The following CHST11 variants were observed in gnomAD, a reference collection of about 807,000 sequenced individuals.
CHST11 encodes C4S-1.
Under a neutral mutation model 30.4 loss-of-function variants are expected in CHST11, and 9 were observed. That is an observed-to-expected ratio of 0.30 (90% CI 0.18 to 0.52). The LOEUF (loss-of-function observed/expected upper bound fraction) is 0.52, where lower values mean the gene tolerates loss of function less well. Ranked by LOEUF, CHST11 falls within the 20% of genes least tolerant of loss-of-function variation. The pLI is 0.97. For synonymous variants in CHST11, 152 were observed against 187.8 expected, an observed-to-expected ratio of 0.81 and a Z score of 1.56; for missense variants, 348 against 460.6, an observed-to-expected ratio of 0.76 and a Z score of 2.24.
chr12:104,612,879 C>T (rs2039072452), intron 2 of CHST11, among the ~76,000 whole-genome samples: 2 of 152,206 alleles, frequency 1.3e-5, no homozygotes. Flanking sequence ...CTGAAACAGA[C>T]ACCAGCACTC....
chr12:104,621,342 C>G (rs1241098009), intron 2 of CHST11, among the ~76,000 whole-genome samples: 2 of 152,228 alleles, frequency 1.3e-5, no homozygotes, highest in Non-Finnish European at 2.9e-5. Flanking sequence ...TGGTGCTGTC[C>G]TAGACCTTGC....
chr12:104,533,034 C>T (rs917413216), intron 1 of CHST11, among the ~76,000 whole-genome samples: 2 of 152,204 alleles, frequency 1.3e-5, no homozygotes, highest in African/African-American at 2.4e-5. Flanking sequence ...CCTCAGCCTC[C>T]TGAGTAGCTG....
At chr12:104,678,752 C>T (rs2039765953) in intron 2 of CHST11, among the ~76,000 whole-genome samples, 2 of 152,020 alleles carry the variant, frequency 1.3e-5, no homozygotes, top group Non-Finnish European at 2.9e-5. Flanking sequence ...ATAAAAACCA[C>T]ATTTTATATT....
intron 1 of CHST11, among the ~76,000 whole-genome samples, chr12:104,473,176 A>G (rs2037527512): frequency 6.6e-6 from 1 of 152,162 alleles, no homozygotes; most frequent in Non-Finnish European, 1.5e-5. Flanking sequence ...ACTCGGGGCC[A>G]TTTGGAAATC....
At chr12:104,520,848 C>G (rs574863287) in intron 1 of CHST11, among the ~76,000 whole-genome samples, 14 of 152,308 alleles carry the variant, frequency 9.2e-5, no homozygotes, top group African/African-American at 3.1e-4. Context: ...GCAGCCACCC[C>G]TTCTGTTCTC....
chr12:104,492,695 A>G lies in CHST11; in HGVS notation c.118+35166A>G, dbSNP rs532116638. On this transcript the variant is annotated intron_variant, in intron 1 of 2. Coordinates refer to ENST00000303694, the MANE Select transcript of CHST11 (RefSeq NM_018413.6). ...CAAGATACAGTTTGAAGATACTACC[A>G]TGGGACATGACATCAGTTGAGCTGA... Among the ~76,000 whole-genome samples, 16 of 152,352 alleles carry G rather than the reference A, an allele frequency of 1.1e-4. No homozygotes were observed. The South Asian group carries it at 2.7e-3, about 26-fold the overall frequency.
intron 1 of CHST11, among the ~76,000 whole-genome samples, chr12:104,556,242 A>G (rs892770866): frequency 1.1e-4 from 16 of 152,072 alleles, no homozygotes; most frequent in African/African-American, 3.4e-4. Flanking sequence ...CAGAGGAGAA[A>G]CTGAGGCTCT....
At chr12:104,650,292 C>T (rs1012799139) in intron 2 of CHST11, among the ~76,000 whole-genome samples, 8 of 152,108 alleles carry the variant, frequency 5.3e-5, no homozygotes, top group Admixed American at 6.5e-5. Context: ...GGCCAAAAGC[C>T]CACAGTCTCC....
At chr12:104,671,088 T>C (rs924517797) in intron 2 of CHST11, among the ~76,000 whole-genome samples, 2 of 152,164 alleles carry the variant, frequency 1.3e-5, no homozygotes, top group Admixed American at 1.3e-4. Flanking sequence ...ATACTGGAGA[T>C]GAGATGGTAG....
At chr12:104,741,379 G>A (rs2040345577) in intron 2 of CHST11, among the ~76,000 whole-genome samples, 1 of 152,206 alleles carries the variant, frequency 6.6e-6, no homozygotes, top group Non-Finnish European at 1.5e-5. Flanking sequence ...CTGGAAGCAT[G>A]CAACATGCAG....
At chr12:104,637,666 G>T (rs976734379) in intron 2 of CHST11, among the ~76,000 whole-genome samples, 6 of 152,118 alleles carry the variant, frequency 3.9e-5, no homozygotes, top group African/African-American at 1.4e-4. Flanking sequence ...TTCCACCCTG[G>T]CACTCAAAGC....
chr12:104,490,289 G>A (rs542406972), intron 1 of CHST11, among the ~76,000 whole-genome samples: 8 of 152,328 alleles, frequency 5.3e-5, no homozygotes, highest in Non-Finnish European at 1.0e-4. Flanking sequence ...GGTGTGTATA[G>A]GAGATAAAGA....
At chr12:104,496,007 G>A (rs1039417269) in intron 1 of CHST11, among the ~76,000 whole-genome samples, 5 of 152,198 alleles carry the variant, frequency 3.3e-5, no homozygotes, top group African/African-American at 7.2e-5. Context: ...CTGATGCCTC[G>A]GATAGCAGAC....
chr12:104,687,842 G>A (rs1051629811), intron 2 of CHST11, among the ~76,000 whole-genome samples: 7 of 151,938 alleles, frequency 4.6e-5, no homozygotes, highest in Admixed American at 4.6e-4. Context: ...ATATTTCCTG[G>A]AGAAATACTC....
intron 2 of CHST11, among the ~76,000 whole-genome samples, chr12:104,615,966 C>G (rs1415755474): frequency 6.6e-6 from 1 of 152,126 alleles, no homozygotes; most frequent in East Asian, 1.9e-4. Context: ...TAGCCCCTAC[C>G]TTATTCTCTT....
At chr12:104,514,292 G>T in intron 1 of CHST11, 1 of 880,770 alleles carries the variant, frequency 1.1e-6, no homozygotes. Flanking sequence ...GCATTGGAGC[G>T]GTGTTTGGCA....
chr12:104,727,447 G>A (rs1186686809), intron 2 of CHST11, among the ~76,000 whole-genome samples: 1 of 152,212 alleles, frequency 6.6e-6, no homozygotes, highest in Non-Finnish European at 1.5e-5. Flanking sequence ...CTGTGGCTAT[G>A]GGGCCAGCAG....
chr12:104,583,091 A>G (rs192919337), intron 1 of CHST11, among the ~76,000 whole-genome samples: 1 of 152,054 alleles, frequency 6.6e-6, no homozygotes, highest in African/African-American at 2.4e-5. Context: ...CCACATACAT[A>G]TGTGTTGTAT....
At chr12:104,659,143 G>A (rs917980068) in intron 2 of CHST11, among the ~76,000 whole-genome samples, 7 of 152,192 alleles carry the variant, frequency 4.6e-5, no homozygotes, top group Non-Finnish European at 1.0e-4. Context: ...GTCTGGATCC[G>A]TGCTCAAGAA....
Sources: allele counts gnomAD v4.1 joint callset (sites outside exome capture counted in the v4.1 genomes callset), GRCh38; gene constraint gnomAD v4.1.1; transcripts MANE v1.5; gene names NCBI Gene and HGNC (gene_info 2026-07-23, HGNC 2026-07-21).